The following ADAMTS6 variants were observed in gnomAD, a reference collection of about 807,000 sequenced individuals.
The protein encoded by ADAMTS6 is A disintegrin and metalloproteinase with thrombospondin motifs 6.
A neutral mutation model predicts 144.3 loss-of-function variants in ADAMTS6; 23 were observed. The ratio of observed to expected loss-of-function variants is 0.16; its 90% CI spans 0.11 to 0.23. The LOEUF is 0.23. ADAMTS6 is among the 10% of genes least tolerant of loss of function. The pLI, the probability that ADAMTS6 is intolerant of heterozygous loss-of-function variation, is 1.00. For synonymous variants in ADAMTS6, 444 were observed against 457.5 expected (o/e 0.97, Z 0.38); for missense variants, 999 against 1,379.6 (o/e 0.72, Z 4.37).
At chr5:65,470,715 G>T in intron 3 of ADAMTS6, 63 bp downstream of exon 3, 2 of 1,389,432 alleles carry the variant, frequency 1.4e-6, no homozygotes, top group Non-Finnish European at 1.9e-6. Context: ...TCTGAGGAAA[G>T]ACATTTACAT....
chr5:65,160,625 T>C (rs982483020), intron 24 of ADAMTS6, among the ~76,000 whole-genome samples: 30 of 149,370 alleles, frequency 2.0e-4, no homozygotes, highest in African/African-American at 6.2e-4. Flanking sequence ...TCTTAACTTT[T>C]CCTTGCTAAA....
chr5:65,155,417 G>T (rs1264370084), intron 24 of ADAMTS6, among the ~76,000 whole-genome samples: 3 of 152,116 alleles, frequency 2.0e-5, no homozygotes, highest in Non-Finnish European at 4.4e-5. Context: ...ATTGCTCCTG[G>T]GCTACAAACC....
intron 18 of ADAMTS6, among the ~76,000 whole-genome samples, chr5:65,216,059 A>G (rs746507541): frequency 2.6e-5 from 4 of 152,186 alleles, no homozygotes; most frequent in Non-Finnish European, 5.9e-5. Context: ...TTTATATAAG[A>G]ATAAATGCCA....
chr5:65,369,397 T>C (rs1186161245), intron 7 of ADAMTS6, among the ~76,000 whole-genome samples: 1 of 152,164 alleles, frequency 6.6e-6, no homozygotes, highest in Non-Finnish European at 1.5e-5. Context: ...CTATTTGACC[T>C]ACAAAAGTGG....
intron 11 of ADAMTS6, among the ~76,000 whole-genome samples, chr5:65,290,537 C>T (rs902329774): frequency 1.3e-4 from 20 of 149,462 alleles, no homozygotes; most frequent in Non-Finnish European, 2.4e-4. Context: ...GGCGACAGAG[C>T]GAGACTCTGT....
In ADAMTS6 at chr5:65,356,930, AT is replaced by A. The variant is rs577617403; in HGVS notation, c.1074-22846del. 2.0e-5 allele frequency among the ~76,000 whole-genome samples: 3 copies of A among 151,900 alleles called. No individual in the cohort carries two copies. In the South Asian group the frequency reaches 6.2e-4, roughly 32 times the overall value. On this transcript the variant is annotated intron_variant, in intron 7 of 24. Coordinates refer to ENST00000381055, the MANE Select transcript of ADAMTS6 (RefSeq NM_197941.4). The stretch of plus-strand genomic sequence containing the variant: ...TTAGCTTCTTATTTTAAATGAAGGT[AT>A]TTTTCAGGGGTAATAATATTATTAA...
At chr5:65,428,384 CA>C (rs1177048226) in intron 7 of ADAMTS6, among the ~76,000 whole-genome samples, 7 of 152,046 alleles carry the variant, frequency 4.6e-5, no homozygotes, top group Non-Finnish European at 1.0e-4. Flanking sequence ...CTGTTTCCAA[CA>C]AAAAAGGTTC....
intron 22 of ADAMTS6, among the ~76,000 whole-genome samples, chr5:65,176,421 C>G (rs1246818262): frequency 6.6e-6 from 1 of 152,036 alleles, no homozygotes; most frequent in Admixed American, 6.6e-5. Flanking sequence ...TATAAGGAGG[C>G]ATAACAATGT....
chr5:65,159,005 C>T (rs957599186), intron 24 of ADAMTS6, among the ~76,000 whole-genome samples: 9 of 152,168 alleles, frequency 5.9e-5, no homozygotes, highest in African/African-American at 2.2e-4. Flanking sequence ...AATTTCCCTA[C>T]AGATGCCTGA....
chr5:65,204,866 A>G (rs1396786892), intron 20 of ADAMTS6, among the ~76,000 whole-genome samples: 1 of 152,188 alleles, frequency 6.6e-6, no homozygotes, highest in Non-Finnish European at 1.5e-5. Flanking sequence ...CCACACAGAA[A>G]CTATCTTTCA....
chr5:65,188,386 G>A (rs1384881395), intron 21 of ADAMTS6, among the ~76,000 whole-genome samples, 166 bp from the exon 22 acceptor site: 4 of 152,192 alleles, frequency 2.6e-5, no homozygotes, highest in Non-Finnish European at 5.9e-5. Flanking sequence ...GACCTTTACT[G>A]TCATTTGCTT....
chr5:65,481,389 A>C lies in ADAMTS6; in HGVS notation c.-326T>G, dbSNP rs915823054. On this transcript the variant is annotated 5_prime_UTR_variant, in exon 1 of 25. Coordinates refer to ENST00000381055, the MANE Select transcript of ADAMTS6 (RefSeq NM_197941.4). ...ATAAAAAGTAAGTTTCAGACAATAG[A>C]GATTGCACTGGACGACTCACGTACT... 2.0e-5 allele frequency: 3 copies of C among 151,466 alleles called. No homozygotes were observed. The highest frequency in any genetic ancestry group is 7.3e-5 in the African/African-American group (3 of 41,344). 9.4% of individuals were successfully genotyped at this position (151,466 alleles called of 1,614,324 possible). A position where few individuals can be genotyped will look rare whatever the true frequency, so the allele number is the denominator to read the frequency against.
At chr5:65,395,809 G>A (rs540296738) in intron 7 of ADAMTS6, among the ~76,000 whole-genome samples, 2 of 152,256 alleles carry the variant, frequency 1.3e-5, no homozygotes, top group African/African-American at 4.8e-5. Flanking sequence ...CCCAGCCAAT[G>A]ATACAAAGAA....
chr5:65,211,665 G>A (rs1420393912), intron 20 of ADAMTS6, among the ~76,000 whole-genome samples: 1 of 151,972 alleles, frequency 6.6e-6, no homozygotes, highest in Non-Finnish European at 1.5e-5. Context: ...AAAAAGAGAG[G>A]AGCTTGGTTT....
At chr5:65,256,776 T>A (rs933731169) in intron 14 of ADAMTS6, among the ~76,000 whole-genome samples, 5 of 152,076 alleles carry the variant, frequency 3.3e-5, no homozygotes, top group African/African-American at 1.2e-4. Context: ...AATAATGGAA[T>A]GAGTTGGGAA....
chr5:65,478,551 C>G (rs912787089), intron 1 of ADAMTS6, among the ~76,000 whole-genome samples: 66 of 152,190 alleles, frequency 4.3e-4, no homozygotes, highest in African/African-American at 1.5e-3. Context: ...TAAAGTGTCT[C>G]TGTACTTTAA....
chr5:65,334,008 A>AAC, intron 8 of ADAMTS6, 34 bp downstream of exon 8: 1 of 1,320,338 alleles, frequency 7.6e-7, no homozygotes, highest in Non-Finnish European at 9.8e-7. Flanking sequence ...AAAAAAAAAA[A>AAC]AAAAAAAAAA....
At chr5:65,375,480 C>T (rs1751437579) in intron 7 of ADAMTS6, among the ~76,000 whole-genome samples, 1 of 151,926 alleles carries the variant, frequency 6.6e-6, no homozygotes, top group African/African-American at 2.4e-5. Flanking sequence ...CAAAAGAAGA[C>T]ATTTATGCAG....
At chr5:65,436,140 G>A (rs1757381192) in intron 7 of ADAMTS6, among the ~76,000 whole-genome samples, 1 of 152,028 alleles carries the variant, frequency 6.6e-6, no homozygotes, top group African/African-American at 2.4e-5. Flanking sequence ...CCGAAGAATT[G>A]CTTGAGCTGA....
Sources: gnomAD v4.1 joint callset for allele counts (sites outside exome capture counted in the v4.1 genomes callset) on GRCh38, gnomAD v4.1.1 for gene constraint, MANE v1.5 for transcripts, NCBI Gene and HGNC (gene_info 2026-07-23, HGNC 2026-07-21) for gene names.